TTC39B: variants seen among roughly 807,000 people sequenced by gnomAD.
TTC39B encodes the protein tetratricopeptide repeat domain 39B, also known as tetratricopeptide repeat protein 39B.
A neutral mutation model predicts 96.6 loss-of-function variants in TTC39B; 92 were observed. The observed-to-expected ratio is 0.95, with a 90% CI of 0.80 to 1.13. The LOEUF (loss-of-function observed/expected upper bound fraction) is 1.13. TTC39B is among the 50% of genes most tolerant of loss of function. TTC39B has a pLI of 0.00. For synonymous variants in TTC39B, 367 were observed against 299.4 expected, an observed-to-expected ratio of 1.23 and a Z score of -2.33; for missense variants, 955 against 809.3, an observed-to-expected ratio of 1.18 and a Z score of -2.18.
chr9:15,256,022 T>A (rs1014215949), intron 2 of TTC39B, among the ~76,000 whole-genome samples: 1 of 152,242 alleles, frequency 6.6e-6, no homozygotes, highest in Non-Finnish European at 1.5e-5. Flanking sequence ...TATGGTTTAA[T>A]GTTTGTGTCC....
intron 6 of TTC39B, among the ~76,000 whole-genome samples, chr9:15,207,983 CAAAAAA>C (rs531829809): frequency 5.9e-4 from 50 of 84,612 alleles, no homozygotes; most frequent in Admixed American, 1.4e-3. Context: ...GACTTGGTCT[CAAAAAA>C]AAAAAAAAAA....
chr9:15,189,544 C>T lies in TTC39B; in HGVS notation c.1233+30G>A, dbSNP rs751608747. On this transcript the variant is annotated intron_variant, in intron 13 of 19. Transcript: ENST00000512701. ...TGTAGGAGTCGCCATACAGACAACT[C>T]CCCCAAATAATTCCCACCTAATAAA... 7.2e-5 allele frequency: 116 copies of T among 1,612,940 alleles called. 1 individual carries two copies. The South Asian group carries it at 1.2e-3, about 17-fold the overall frequency.
intron 1 of TTC39B, among the ~76,000 whole-genome samples, chr9:15,301,211 T>A (rs1824575691): frequency 1.3e-5 from 2 of 152,232 alleles, no homozygotes; most frequent in Non-Finnish European, 2.9e-5. Flanking sequence ...TGTTTGTACC[T>A]GTTGTCTTAG....
At chr9:15,293,031 A>G (rs763899485) in intron 1 of TTC39B, among the ~76,000 whole-genome samples, 7 of 152,246 alleles carry the variant, frequency 4.6e-5, no homozygotes, top group Admixed American at 6.5e-5. Flanking sequence ...ACTCACCCAG[A>G]GCAACTTCCA....
chr9:15,288,952 T>G (rs1824080227), intron 1 of TTC39B, among the ~76,000 whole-genome samples: 1 of 152,258 alleles, frequency 6.6e-6, no homozygotes, highest in Non-Finnish European at 1.5e-5. Context: ...AGGCTATTAT[T>G]ACTAAATAAG....
At chr9:15,254,240 C>A (rs1271250953) in intron 2 of TTC39B, among the ~76,000 whole-genome samples, 1 of 150,646 alleles carries the variant, frequency 6.6e-6, no homozygotes, top group African/African-American at 2.4e-5. Flanking sequence ...GGTCTCAGAA[C>A]TGGGAAATGA....
intron 16 of TTC39B, chr9:15,183,510 C>T (rs1818357359): frequency 3.0e-6 from 1 of 337,160 alleles, no homozygotes; most frequent in Non-Finnish European, 5.7e-6. Context: ...AAGCCAATTT[C>T]CTGTACATTC....
Position 15,198,207 on chromosome 9 carries a change from C to T in TTC39B, c.824+1654G>A, listed in dbSNP as rs375585364. Among the ~76,000 whole-genome samples the T allele has an allele frequency of 1.2e-4, 19 of 152,144 alleles. No homozygotes were observed. In the East Asian group the frequency reaches 3.5e-3, roughly 28 times the overall value. Reference sequence around the variant, plus strand: ...GGCGCAGTGGCTCATGCCTGTAATCCCAGCGCTTTGGGAGGCCAAGACGGG... The same window carrying T: ...GGCGCAGTGGCTCATGCCTGTAATCTCAGCGCTTTGGGAGGCCAAGACGGG... On this transcript the variant is annotated intron_variant, in intron 8 of 19. Transcript: ENST00000512701.
intron 2 of TTC39B, among the ~76,000 whole-genome samples, chr9:15,237,278 G>A (rs577134565): frequency 6.6e-6 from 1 of 152,288 alleles, no homozygotes; most frequent in East Asian, 1.9e-4. Context: ...TCATGCCACT[G>A]TATTCTAGCC....
chr9:15,222,574 A>C (rs546293688), intron 3 of TTC39B, among the ~76,000 whole-genome samples: 5 of 152,224 alleles, frequency 3.3e-5, no homozygotes, highest in Non-Finnish European at 5.9e-5. Flanking sequence ...TCATCCCACT[A>C]AACCAGTCTC....
At chr9:15,172,452 T>A (rs1211342856) in intron 19 of TTC39B, among the ~76,000 whole-genome samples, 1 of 152,098 alleles carries the variant, frequency 6.6e-6, no homozygotes, top group Non-Finnish European at 1.5e-5. Context: ...CTTTTTTAAA[T>A]TGGAAAATTT....
chr9:15,209,234 C>A (rs1043767716), intron 6 of TTC39B, among the ~76,000 whole-genome samples: 1 of 151,950 alleles, frequency 6.6e-6, no homozygotes, highest in Admixed American at 6.6e-5. Flanking sequence ...GAGTGTAACA[C>A]TGAAAAGACA....
At chr9:15,227,374 T>C (rs1348315916) in intron 2 of TTC39B, among the ~76,000 whole-genome samples, 1 of 152,100 alleles carries the variant, frequency 6.6e-6, no homozygotes, top group Non-Finnish European at 1.5e-5. Flanking sequence ...TTTTCCCCCA[T>C]TGGAAGTTCA....
intron 18 of TTC39B, 133 bp from the exon 19 acceptor site, chr9:15,175,268 T>C: frequency 1.6e-6 from 1 of 625,208 alleles, no homozygotes; most frequent in Non-Finnish European, 2.8e-6. Flanking sequence ...GCGGCCATTG[T>C]ATAGTTATGG....
At chr9:15,270,114 G>A (rs1434333676) in intron 1 of TTC39B, among the ~76,000 whole-genome samples, 2 of 151,930 alleles carry the variant, frequency 1.3e-5, no homozygotes, top group African/African-American at 2.4e-5. Flanking sequence ...AGCTTGCAGT[G>A]AGTCAAGATT....
chr9:15,215,890 A>G (rs891306868), intron 3 of TTC39B, among the ~76,000 whole-genome samples: 4 of 152,160 alleles, frequency 2.6e-5, no homozygotes, highest in African/African-American at 9.7e-5. Flanking sequence ...AATAAATAAA[A>G]TGAAATAAAA....
chr9:15,269,614 G>A (rs2131554281), intron 1 of TTC39B, among the ~76,000 whole-genome samples: 1 of 152,334 alleles, frequency 6.6e-6, no homozygotes, highest in East Asian at 1.9e-4. Context: ...AGCACTTTGG[G>A]AGGCCGAGGC....
chr9:15,190,406 C>G, intron 11 of TTC39B, 148 bp downstream of exon 11: 1 of 609,812 alleles, frequency 1.6e-6, no homozygotes, highest in Non-Finnish European at 2.9e-6. Flanking sequence ...AGTGCAGTGA[C>G]GTGATCATAG....
intron 1 of TTC39B, among the ~76,000 whole-genome samples, chr9:15,300,624 G>A (rs182933954): frequency 0.012 from 1,883 of 152,244 alleles, 53 homozygotes; most frequent in Admixed American, 0.063. Flanking sequence ...AGTGGCTCAC[G>A]CCTGTAATCC....
Sources: gnomAD v4.1 joint callset for allele counts (sites outside exome capture counted in the v4.1 genomes callset) on GRCh38, gnomAD v4.1.1 for gene constraint, MANE v1.5 for transcripts, NCBI Gene and HGNC (gene_info 2026-07-23, HGNC 2026-07-21) for gene names.